SKI: variants seen among roughly 807,000 people sequenced by gnomAD.
SKI encodes the protein SKI proto-oncogene, also known as ski oncogene.
A neutral mutation model predicts 59.3 loss-of-function variants in SKI; 23 were observed. That is an observed-to-expected ratio of 0.39 (90% CI 0.28 to 0.55). SKI has a LOEUF of 0.55. Ranked by LOEUF, SKI falls within the 20% of genes least tolerant of loss-of-function variation. The pLI is 0.67. For synonymous variants in SKI, 673 were observed against 488.6 expected (o/e 1.38, Z -4.98); for missense variants, 1,017 against 1,038.9 (o/e 0.98, Z 0.29).
At chr1:2,241,776 G>A (rs1638880417) in intron 1 of SKI, among the ~76,000 whole-genome samples, 1 of 152,118 alleles carries the variant, frequency 6.6e-6, no homozygotes, top group Non-Finnish European at 1.5e-5. Context: ...AAGGAATATG[G>A]AATCATAAAA....
At chr1:2,252,697 G>T (rs954179683) in intron 1 of SKI, among the ~76,000 whole-genome samples, 1 of 152,140 alleles carries the variant, frequency 6.6e-6, no homozygotes, top group Non-Finnish European at 1.5e-5. Flanking sequence ...GCGTGGTATG[G>T]GTTCCTCCCT....
intron 1 of SKI, among the ~76,000 whole-genome samples, chr1:2,248,999 C>A (rs1639060533): frequency 6.6e-6 from 1 of 152,242 alleles, no homozygotes; most frequent in African/African-American, 2.4e-5. Context: ...CCACAGCCAG[C>A]CAGCCTGGTG....
At chr1:2,277,229 G>A (rs1184193983) in intron 1 of SKI, among the ~76,000 whole-genome samples, 1 of 152,196 alleles carries the variant, frequency 6.6e-6, no homozygotes, top group African/African-American at 2.4e-5. Context: ...GAATAGCTGA[G>A]ATTACAGGCA....
At chr1:2,265,784 T>C (rs1022672063) in intron 1 of SKI, among the ~76,000 whole-genome samples, 146 of 152,128 alleles carry the variant, frequency 9.6e-4, no homozygotes, top group African/African-American at 3.4e-3. Context: ...CTGGGCAACA[T>C]GGAGAAACCC....
At chr1:2,242,443 GTGGCCCCTTC>G (rs1638900602) in intron 1 of SKI, among the ~76,000 whole-genome samples, 1 of 152,172 alleles carries the variant, frequency 6.6e-6, no homozygotes, top group African/African-American at 2.4e-5. Context: ...GTGGCCTACC[GTGGCCCCTTC>G]TGGCCCCGCA....
intron 1 of SKI, among the ~76,000 whole-genome samples, chr1:2,271,927 G>A (rs1639631007): frequency 6.6e-6 from 1 of 152,202 alleles, no homozygotes; most frequent in South Asian, 2.1e-4. Context: ...CTGGCCCGTG[G>A]ATGGCTGGCG....
intron 1 of SKI, among the ~76,000 whole-genome samples, chr1:2,293,514 C>A (rs2100899386): frequency 6.6e-6 from 1 of 152,306 alleles, no homozygotes; most frequent in East Asian, 1.9e-4. Context: ...TGTCTGTCCC[C>A]ACCATCGTGC....
rs1057056406 is a variant in SKI at position 2,303,761 on chromosome 1, A to G, written c.1212-79A>G. On this transcript the variant is annotated intron_variant, in intron 3 of 6. Transcript: ENST00000378536. This position sits in a 1 kb window ranked among gnomAD's most constrained non-coding sequence, Gnocchi z 5.6. ...AAAGTCTTTCCTGTTTAACACCTTC[A>G]GAGGGGGTGTGCGCCAGGATGTGTC... is the stretch of plus-strand genomic sequence containing the variant. The G allele has an allele frequency of 1.9e-6, 3 of 1,553,900 alleles. No individual in the cohort carries two copies. The African/African-American group carries it at 4.1e-5, about 21-fold the overall frequency.
At position 2,229,108 on chromosome 1, in the gene SKI, G is replaced by A; in HGVS notation, c.342G>A (p.Val114=). ...AAGGCGAGACCATCTCGTGCTTCGT[G>A]GTGGGAGGCGAGAAGCGCCTGTGTC... ...VLEGETISCF[V]VGGEKRLCLP... is the part of the protein sequence containing the mutation. Residue 114 remains valine, a synonymous_variant, in exon 1 of 7, where the codon GTG becomes GTA. Transcript: ENST00000378536. This position sits in a 1 kb window ranked among gnomAD's most constrained non-coding sequence, Gnocchi z 6.3. The A allele has an allele frequency of 6.2e-7, 1 of 1,610,278 alleles. No homozygotes were observed. Among genetic ancestry groups the A allele is most frequent in the Non-Finnish European group, 8.5e-7 (1 of 1,179,874 alleles).
At chr1:2,287,523 A>G (rs999448242) in intron 1 of SKI, among the ~76,000 whole-genome samples, 5 of 151,952 alleles carry the variant, frequency 3.3e-5, no homozygotes, top group African/African-American at 1.2e-4. Context: ...TTTTTAGTAG[A>G]GACGGGGTTT....
chr1:2,233,097 G>T (rs765999350), intron 1 of SKI, among the ~76,000 whole-genome samples: 1 of 152,152 alleles, frequency 6.6e-6, no homozygotes, highest in Admixed American at 6.5e-5. Flanking sequence ...CCCTTGTCCC[G>T]CAGAACGTCA....
chr1:2,301,262 GTCA>G (rs1557849558), intron 1 of SKI, among the ~76,000 whole-genome samples: 2 of 152,184 alleles, frequency 1.3e-5, no homozygotes, highest in African/African-American at 4.8e-5. Flanking sequence ...TCCGCCAGAC[GTCA>G]TCAACACTCA....
intron 1 of SKI, among the ~76,000 whole-genome samples, chr1:2,277,702 G>A (rs1253764846): frequency 6.9e-6 from 1 of 144,180 alleles, no homozygotes; most frequent in South Asian, 2.4e-4. Flanking sequence ...ATGGGCACAC[G>A]TGCACACACA....
Position 2,269,868 on chromosome 1 carries a change from C to G in SKI, c.970-33110C>G, listed in dbSNP as rs7521756. Among the ~76,000 whole-genome samples the G allele has an allele frequency of 3.5e-3, 150 of 43,388 alleles. 2 individuals carry two copies. Among genetic ancestry groups the G allele is most frequent in the South Asian group, 0.026 (22 of 860 alleles). The allele number at this position is 43,388 out of a possible 152,430, so 28.5% of individuals were successfully genotyped here. A position where few individuals can be genotyped will look rare whatever the true frequency, so the allele number is the denominator to read the frequency against. ...CGGGTCTGGTGGTGCCTGTGGCTGGCGTGGGTCTGGCGGGTCTCGTGGTGC... is the reference window on the plus strand; with the variant it reads ...CGGGTCTGGTGGTGCCTGTGGCTGGGGTGGGTCTGGCGGGTCTCGTGGTGC... On this transcript the variant is annotated intron_variant, in intron 1 of 6. Transcript: ENST00000378536. The surrounding 1 kb of genome is among the most constrained non-coding windows in gnomAD (Gnocchi z 4.7).
intron 1 of SKI, among the ~76,000 whole-genome samples, chr1:2,260,557 T>TTTTTTTTTTTTG (rs1449350333): frequency 7.0e-6 from 1 of 141,990 alleles, no homozygotes; most frequent in Non-Finnish European, 1.5e-5. Flanking sequence ...TTTTTTTTTT[T>TTTTTTTTTTTTG]TGAGACAGGG....
chr1:2,273,054 G>A (rs999349878), intron 1 of SKI, among the ~76,000 whole-genome samples: 13 of 152,240 alleles, frequency 8.5e-5, no homozygotes, highest in African/African-American at 3.1e-4. Context: ...TGCCACCTGC[G>A]TTCAGTGCAG....
intron 1 of SKI, among the ~76,000 whole-genome samples, chr1:2,283,249 A>T (rs908712704): frequency 1.3e-5 from 2 of 151,844 alleles, no homozygotes; most frequent in African/African-American, 4.8e-5. Context: ...ACTTCTCCCC[A>T]CTTCTGCGCC....
intron 1 of SKI, among the ~76,000 whole-genome samples, chr1:2,296,968 C>T (rs998589693): frequency 1.3e-5 from 2 of 152,166 alleles, no homozygotes; most frequent in Non-Finnish European, 2.9e-5. Flanking sequence ...GCTGTTCCCA[C>T]AAGGCCCGTG....
At position 2,229,852 on chromosome 1, in the gene SKI, T is replaced by C; in HGVS notation, c.969+117T>C. ...CTGTGCTTCTGCCGTGCCCCATGTC[T>C]CCAGTCTTCGCTTTGTTTTAGGGAA... is the stretch of plus-strand genomic sequence containing the variant. On this transcript the variant is annotated intron_variant, in intron 1 of 6. Transcript: ENST00000378536. The surrounding 1 kb of genome is among the most constrained non-coding windows in gnomAD (Gnocchi z 6.3). The C allele has an allele frequency of 1.3e-6, 2 of 1,509,838 alleles. No individual in the cohort carries two copies. The highest frequency in any genetic ancestry group is 2.5e-5 in the South Asian group (2 of 81,302). 93.5% of individuals were successfully genotyped at this position (1,509,838 alleles called of 1,614,324 possible). A position where few individuals can be genotyped will look rare whatever the true frequency, so the allele number is the denominator to read the frequency against.
Sources: gnomAD v4.1 joint callset for allele counts (sites outside exome capture counted in the v4.1 genomes callset) on GRCh38, gnomAD v4.1.1 for gene constraint, Gnocchi (gnomAD v3.1) non-coding constraint, MANE v1.5 for transcripts, NCBI Gene and HGNC (gene_info 2026-07-23, HGNC 2026-07-21) for gene names.